The following DPP6 variants were observed in gnomAD, a reference collection of about 807,000 sequenced individuals.
The protein encoded by DPP6 is dipeptidyl peptidase like 6, also known as A-type potassium channel modulatory protein DPP6.
In DPP6, 69 loss-of-function variants were observed where a neutral mutation model predicts 122.6. The ratio of observed to expected loss-of-function variants is 0.56; its 90% CI spans 0.46 to 0.69. DPP6 has a LOEUF of 0.69. Among genes scored for constraint, DPP6 ranks in the 30% least tolerant of loss-of-function variants. The pLI, the probability that DPP6 is intolerant of heterozygous loss-of-function variation, is 0.00. For synonymous variants in DPP6, 418 were observed against 433.1 expected (o/e 0.97, Z 0.43); for missense variants, 928 against 1,116.9 (o/e 0.83, Z 2.41).
chr7:154,200,379 A>G (rs1366848652), intron 1 of DPP6, among the ~76,000 whole-genome samples: 2 of 152,186 alleles, frequency 1.3e-5, no homozygotes, highest in African/African-American at 4.8e-5. Flanking sequence ...TTTGAAATGC[A>G]CAGTAGATGA....
At position 154,879,383 on chromosome 7, in the gene DPP6, AT is replaced by A. The variant is rs1805158327; in HGVS notation, c.2079-1504del. On this transcript the variant is annotated intron_variant, in intron 20 of 25. Coordinates refer to ENST00000377770, the MANE Select transcript of DPP6 (RefSeq NM_130797.4). ...ATCACGAGGTCAGGAGATCGAGACC[AT>A]CCTGGCTAACACGGTGAAACCCCGT... Among the ~76,000 whole-genome samples the A allele has an allele frequency of 8.0e-5, 10 of 124,906 alleles. 1 individual carries two copies. Among genetic ancestry groups the A allele is most frequent in the Middle Eastern group, 4.0e-3 (1 of 252 alleles). 81.9% of individuals were successfully genotyped at this position (124,906 alleles called of 152,430 possible). A position where few individuals can be genotyped will look rare whatever the true frequency, so the allele number is the denominator to read the frequency against.
At chr7:154,823,264 A>C (rs1799921247) in intron 16 of DPP6, among the ~76,000 whole-genome samples, 1 of 152,234 alleles carries the variant, frequency 6.6e-6, no homozygotes, top group African/African-American at 2.4e-5. Context: ...AATCAAAAAC[A>C]ATTAAAATAA....
chr7:154,445,788 AAAG>A (rs1345389067), intron 1 of DPP6, among the ~76,000 whole-genome samples: 1 of 152,180 alleles, frequency 6.6e-6, no homozygotes, highest in Non-Finnish European at 1.5e-5. Context: ...AAAAAAAAAA[AAAG>A]GGAATGATGA....
intron 1 of DPP6, among the ~76,000 whole-genome samples, chr7:154,248,265 C>G (rs1362664990): frequency 6.6e-6 from 1 of 152,122 alleles, no homozygotes; most frequent in Non-Finnish European, 1.5e-5. Flanking sequence ...AACTTTCAGA[C>G]CATTAAAGTG....
chr7:154,319,318 T>C (rs931817143), intron 1 of DPP6, among the ~76,000 whole-genome samples: 3 of 152,242 alleles, frequency 2.0e-5, no homozygotes, highest in Non-Finnish European at 4.4e-5. Context: ...TAAAACTCTT[T>C]TTCTCTGCAT....
At chr7:154,247,189 T>C (rs986284286) in intron 1 of DPP6, among the ~76,000 whole-genome samples, 26 of 152,140 alleles carry the variant, frequency 1.7e-4, no homozygotes, top group African/African-American at 5.8e-4. Flanking sequence ...GGTGTGTGCC[T>C]GTAGTTTCAG....
chr7:154,573,685 G>A (rs1371861907), intron 5 of DPP6, among the ~76,000 whole-genome samples: 2 of 152,212 alleles, frequency 1.3e-5, no homozygotes, highest in Non-Finnish European at 2.9e-5. Flanking sequence ...CTTACTACAT[G>A]AGATTATCAA....
At chr7:154,410,827 A>T (rs1022848099) in intron 1 of DPP6, among the ~76,000 whole-genome samples, 6 of 152,260 alleles carry the variant, frequency 3.9e-5, no homozygotes, top group African/African-American at 1.4e-4. Context: ...TTGCTAGATT[A>T]AAAAGCATTT....
chr7:154,538,630 G>A (rs887336396), intron 3 of DPP6, among the ~76,000 whole-genome samples: 13 of 152,272 alleles, frequency 8.5e-5, no homozygotes, highest in South Asian at 2.1e-4. Context: ...GCTAATGGAC[G>A]AAGGGAGATA....
intron 7 of DPP6, among the ~76,000 whole-genome samples, chr7:154,716,005 C>T (rs1212910365): frequency 6.6e-6 from 1 of 152,116 alleles, no homozygotes; most frequent in East Asian, 1.9e-4. Context: ...TATTTATTTC[C>T]TTCTGTTCCC....
chr7:154,298,881 C>A (rs1377229814), intron 1 of DPP6, among the ~76,000 whole-genome samples: 1 of 152,226 alleles, frequency 6.6e-6, no homozygotes, highest in African/African-American at 2.4e-5. Flanking sequence ...AGATGTTCAG[C>A]CTTGCTTGTT....
intron 1 of DPP6, among the ~76,000 whole-genome samples, chr7:154,366,309 A>G (rs1231796757): frequency 6.6e-6 from 1 of 152,226 alleles, no homozygotes; most frequent in Non-Finnish European, 1.5e-5. Flanking sequence ...AGGATTTATT[A>G]AAAAGCGGGG....
At chr7:154,733,638 G>A (rs1273312747) in intron 8 of DPP6, among the ~76,000 whole-genome samples, 1 of 152,204 alleles carries the variant, frequency 6.6e-6, no homozygotes, top group African/African-American at 2.4e-5. Context: ...TATTCAAGGA[G>A]GTGGAGAGTG....
chr7:153,829,668 G>A, the DPP6 span, among the ~76,000 whole-genome samples: 1 of 152,156 alleles, frequency 6.6e-6, no homozygotes. Context: ...ACAGCTGTGA[G>A]GAAAGGAATG....
chr7:154,578,322 G>A (rs915448016), intron 5 of DPP6, among the ~76,000 whole-genome samples: 34 of 152,356 alleles, frequency 2.2e-4, no homozygotes, highest in Non-Finnish European at 3.5e-4. Context: ...GCACAGCATA[G>A]CAAGTGCCTG....
At chr7:154,650,434 TA>T (rs1300922714) in intron 6 of DPP6, among the ~76,000 whole-genome samples, 1 of 151,962 alleles carries the variant, frequency 6.6e-6, no homozygotes, top group Non-Finnish European at 1.5e-5. Context: ...CTTAAAGGCT[TA>T]AAAAAAGAGC....
chr7:154,406,500 T>C (rs1283248604), intron 1 of DPP6, among the ~76,000 whole-genome samples: 3 of 150,094 alleles, frequency 2.0e-5, no homozygotes, highest in Non-Finnish European at 3.0e-5. Flanking sequence ...CATGCACACA[T>C]ACATGCACAC....
chr7:154,073,608 G>A (rs574694743), intron 1 of DPP6, among the ~76,000 whole-genome samples: 1 of 152,188 alleles, frequency 6.6e-6, no homozygotes, highest in South Asian at 2.1e-4. Context: ...ATACATGAAT[G>A]AACTTCAGCA....
intron 1 of DPP6, among the ~76,000 whole-genome samples, chr7:154,238,879 T>G (rs1801389513): frequency 6.6e-6 from 1 of 152,234 alleles, no homozygotes; most frequent in African/African-American, 2.4e-5. Context: ...ATATTGGAAG[T>G]TAACAACAGA....
Sources: allele counts gnomAD v4.1 joint callset (sites outside exome capture counted in the v4.1 genomes callset), GRCh38; gene constraint gnomAD v4.1.1; transcripts MANE v1.5; gene names NCBI Gene and HGNC (gene_info 2026-07-23, HGNC 2026-07-21).